The following UHRF2 variants were observed in gnomAD, a reference collection of about 807,000 sequenced individuals.
UHRF2 encodes E3 ubiquitin-protein ligase UHRF2.
Under a neutral mutation model 96.8 loss-of-function variants are expected in UHRF2, and 23 were observed. That is an observed-to-expected ratio of 0.24 (90% CI 0.17 to 0.34). UHRF2 has a LOEUF of 0.34. UHRF2 is among the 10% of genes least tolerant of loss of function. UHRF2 has a pLI of 1.00. For missense variants in UHRF2, 685 were observed against 981.5 expected, an observed-to-expected ratio of 0.70 and a Z score of 4.04; for synonymous variants, 385 against 332.6, an observed-to-expected ratio of 1.16 and a Z score of -1.72.
chr9:6,499,801 C>T (rs751594354), intron 12 of UHRF2, 34 bp from the exon 13 acceptor site: 9 of 1,470,280 alleles, frequency 6.1e-6, no homozygotes, highest in Non-Finnish European at 8.3e-6. Context: ...AAGCTTAAAT[C>T]TGCATTGTAC....
intron 9 of UHRF2, among the ~76,000 whole-genome samples, chr9:6,493,235 C>T (rs993647583): frequency 3.3e-5 from 5 of 151,842 alleles, no homozygotes; most frequent in Non-Finnish European, 5.9e-5. Flanking sequence ...GAGGCAGAGG[C>T]TACAGCGAGC....
intron 3 of UHRF2, among the ~76,000 whole-genome samples, chr9:6,454,428 G>A (rs1240008461): frequency 6.6e-6 from 1 of 152,064 alleles, no homozygotes; most frequent in Non-Finnish European, 1.5e-5. Context: ...AGAGTGTGTC[G>A]ATTTCTTCAT....
At chr9:6,439,676 G>C (rs1020576768) in intron 3 of UHRF2, among the ~76,000 whole-genome samples, 1 of 152,152 alleles carries the variant, frequency 6.6e-6, no homozygotes, top group African/African-American at 2.4e-5. Flanking sequence ...TACTCAGGGA[G>C]AACTTTGACA....
rs1263781269 is a variant in UHRF2 at position 6,481,787 on chromosome 9, T to C, written c.1284+21T>C. On this transcript the variant is annotated intron_variant, in intron 7 of 15. Transcript: ENST00000276893. Reference sequence around the variant, plus strand: ...GCAGGGTAAAGAAGAAATTCCCCTTTTCTTCCTAATAGCAAGTTATAATAT... The same window carrying C: ...GCAGGGTAAAGAAGAAATTCCCCTTCTCTTCCTAATAGCAAGTTATAATAT... The C allele has an allele frequency of 1.9e-6, 3 of 1,599,752 alleles. No homozygotes were observed. In the Admixed American group the frequency reaches 5.5e-5, roughly 29 times the overall value.
chr9:6,499,872 A>G lies in UHRF2; in HGVS notation c.1946A>G (p.Lys649Arg). ...AGYPSDKEGK[K>R]PKGQSKKQPS... ...TACCCTTCAGATAAAGAAGGGAAGA[A>G]GCCTAAAGGACAGTCAAAGAAGCAG... The change falls in exon 13 of 16, where the codon AAG (lysine) becomes AGG (arginine). Residue 649 changes from lysine (K) to arginine (R), a missense_variant. Physicochemically the swap from Lys to Arg is conservative, Grantham distance 26. This residue lies in a region of UHRF2 where 99 missense variants were observed against 73.5 expected (regional missense o/e 1.35). Transcript: ENST00000276893. The G allele has an allele frequency of 6.2e-7, 1 of 1,606,220 alleles. No homozygotes were observed. The highest frequency in any genetic ancestry group is 1.1e-5 in the South Asian group (1 of 90,886).
chr9:6,458,136 C>G (rs955991224), intron 3 of UHRF2, among the ~76,000 whole-genome samples: 2 of 152,162 alleles, frequency 1.3e-5, no homozygotes, highest in African/African-American at 4.8e-5. Flanking sequence ...TCCGTCTAGT[C>G]CTAGGCTTTT....
chr9:6,454,549 A>G (rs1822069020), intron 3 of UHRF2, among the ~76,000 whole-genome samples: 1 of 152,176 alleles, frequency 6.6e-6, no homozygotes, highest in South Asian at 2.1e-4. Context: ...TCTTAGAGTT[A>G]AAACTGCCCC....
chr9:6,437,660 C>T (rs1820931677), intron 3 of UHRF2, among the ~76,000 whole-genome samples: 1 of 152,122 alleles, frequency 6.6e-6, no homozygotes, highest in Non-Finnish European at 1.5e-5. Context: ...CACTGTGGCC[C>T]AGGCTGGAGT....
chr9:6,449,937 C>T (rs1292410681), intron 3 of UHRF2, among the ~76,000 whole-genome samples: 3 of 152,210 alleles, frequency 2.0e-5, no homozygotes, highest in Non-Finnish European at 4.4e-5. Context: ...CTGGTTTCCT[C>T]TGGTCACCTC....
At chr9:6,468,664 G>A (rs1343111492) in intron 4 of UHRF2, 1 of 456,066 alleles carries the variant, frequency 2.2e-6, no homozygotes, top group South Asian at 1.5e-5. Flanking sequence ...TTGGGCTTTG[G>A]TTGAATACTG....
intron 3 of UHRF2, among the ~76,000 whole-genome samples, chr9:6,459,991 TG>T (rs1245647233): frequency 1.3e-5 from 2 of 152,074 alleles, no homozygotes; most frequent in Non-Finnish European, 2.9e-5. Flanking sequence ...AAACAAAACT[TG>T]GGTTAAAAAA....
chr9:6,477,296 G>A (rs1036457566), intron 5 of UHRF2, among the ~76,000 whole-genome samples: 1 of 151,726 alleles, frequency 6.6e-6, no homozygotes, highest in Non-Finnish European at 1.5e-5. Context: ...AGGTTGAGGC[G>A]GGCAGATCAC....
intron 2 of UHRF2, among the ~76,000 whole-genome samples, chr9:6,428,003 A>G (rs922031894): frequency 3.3e-5 from 5 of 152,220 alleles, no homozygotes; most frequent in African/African-American, 9.6e-5. Context: ...TTATGATGCC[A>G]GAAAGATCGT....
intron 2 of UHRF2, among the ~76,000 whole-genome samples, chr9:6,428,575 C>CTTTTTTTTTTTTTTTTTT (rs1820393659): frequency 2.5e-5 from 2 of 81,438 alleles, no homozygotes; most frequent in Non-Finnish European, 2.2e-5. Context: ...TTTTTTTGAA[C>CTTTTTTTTTTTTTTTTTT]GATCTCATTC....
intron 1 of UHRF2, among the ~76,000 whole-genome samples, chr9:6,416,141 A>G (rs1032257004): frequency 1.3e-5 from 2 of 151,638 alleles, no homozygotes; most frequent in Non-Finnish European, 2.9e-5. Flanking sequence ...TCGGCTTACT[A>G]CAACCTCTGC....
intron 8 of UHRF2, among the ~76,000 whole-genome samples, chr9:6,485,803 C>CAAAAAAAA (rs57868028): frequency 5.2e-4 from 31 of 59,190 alleles, no homozygotes; most frequent in Admixed American, 1.1e-3. Flanking sequence ...TGTCTCTACC[C>CAAAAAAAA]AAAAAAAAAA....
intron 9 of UHRF2, among the ~76,000 whole-genome samples, chr9:6,491,213 C>T (rs1027475431): frequency 1.3e-5 from 2 of 152,184 alleles, no homozygotes; most frequent in East Asian, 3.8e-4. Context: ...GGAGAAGACT[C>T]GGAAGCCAGA....
chr9:6,500,596 G>A lies in UHRF2; in HGVS notation c.2050G>A (p.Ala684Thr). The change falls in exon 14 of 16, where the codon GCA becomes ACA. Residue 684 changes from alanine to threonine, a missense_variant. By Grantham distance (58) the Ala-to-Thr change is moderately conservative (BLOSUM62 0). Coordinates refer to ENST00000276893, the MANE Select transcript of UHRF2 (RefSeq NM_152896.3). ...CAAAGTGTACAAAGCATCAGATTCA[G>A]CAGAAGCAATTGAGGCTTTTCAACT... is the stretch of plus-strand genomic sequence containing the variant. ...ASKVYKASDS[A>T]EAIEAFQLTP... is the part of the protein sequence containing the mutation. 2.5e-6 allele frequency: 4 copies of A among 1,613,452 alleles called. No individual in the cohort carries two copies. The highest frequency in any genetic ancestry group is 2.5e-6 in the Non-Finnish European group (3 of 1,179,936).
intron 3 of UHRF2, among the ~76,000 whole-genome samples, chr9:6,450,914 T>C (rs112638343): frequency 1.4e-5 from 2 of 147,054 alleles, no homozygotes; most frequent in South Asian, 2.1e-4. Context: ...CTTACTGATA[T>C]GTGTTTGGTC....
Sources: gnomAD v4.1 joint callset for allele counts (sites outside exome capture counted in the v4.1 genomes callset) on GRCh38, gnomAD v4.1.1 for gene constraint, gnomAD v4.1.1 regional missense constraint, MANE v1.5 for transcripts, NCBI Gene and HGNC (gene_info 2026-07-23, HGNC 2026-07-21) for gene names.